The following PDZRN4 variants were observed in gnomAD, a reference collection of about 807,000 sequenced individuals.
PDZRN4 encodes PDZ domain-containing RING finger protein 4.
In PDZRN4, 70 loss-of-function variants were observed where a neutral mutation model predicts 99.0. That is an observed-to-expected ratio of 0.71 (90% confidence interval 0.58 to 0.86). PDZRN4 has a LOEUF of 0.86. Ranked by LOEUF, PDZRN4 falls within the 40% of genes least tolerant of loss-of-function variation. The pLI, the probability that PDZRN4 is intolerant of heterozygous loss-of-function variation, is 0.00. For missense variants in PDZRN4, 1,474 were observed against 1,331.2 expected (o/e 1.11, Z -1.67); for synonymous variants, 551 against 501.6 (o/e 1.10, Z -1.32).
intron 3 of PDZRN4, among the ~76,000 whole-genome samples, chr12:41,464,076 T>C (rs534271814): frequency 2.6e-5 from 4 of 152,254 alleles, no homozygotes; most frequent in Non-Finnish European, 5.9e-5. Flanking sequence ...GCCAGGAGAA[T>C]AGAATTCAGT....
intron 3 of PDZRN4, among the ~76,000 whole-genome samples, chr12:41,275,518 G>A (rs546567608): frequency 6.6e-6 from 1 of 152,210 alleles, no homozygotes; most frequent in Admixed American, 6.5e-5. Context: ...AGTGAGCTCA[G>A]TGGAGTGACA....
chr12:41,475,319 CTA>C (rs1237640403), intron 3 of PDZRN4, among the ~76,000 whole-genome samples: 1 of 152,104 alleles, frequency 6.6e-6, no homozygotes, highest in Non-Finnish European at 1.5e-5. Flanking sequence ...GGTCTCAGCT[CTA>C]TCTTTTCCTA....
intron 3 of PDZRN4, among the ~76,000 whole-genome samples, chr12:41,275,057 A>C (rs1951341526): frequency 6.6e-6 from 1 of 152,146 alleles, no homozygotes; most frequent in Non-Finnish European, 1.5e-5. Flanking sequence ...TCAGTGCTTT[A>C]GACTAAGATG....
At chr12:41,292,455 C>G (rs1322119608) in intron 3 of PDZRN4, among the ~76,000 whole-genome samples, 1 of 152,148 alleles carries the variant, frequency 6.6e-6, no homozygotes, top group Non-Finnish European at 1.5e-5. Flanking sequence ...GAAATGTTCA[C>G]TTACAAATTT....
chr12:41,328,348 C>T (rs999110456), intron 3 of PDZRN4, among the ~76,000 whole-genome samples: 1 of 151,572 alleles, frequency 6.6e-6, no homozygotes, highest in Non-Finnish European at 1.5e-5. Context: ...ATAGCCAGAC[C>T]CCAACTCTAC....
intron 5 of PDZRN4, among the ~76,000 whole-genome samples, chr12:41,513,595 A>G (rs528768744): frequency 6.6e-6 from 1 of 152,080 alleles, no homozygotes; most frequent in East Asian, 1.9e-4. Context: ...AATTTCACTA[A>G]GGATTAAGCT....
intron 3 of PDZRN4, among the ~76,000 whole-genome samples, chr12:41,420,836 C>A (rs1454738046): frequency 6.6e-6 from 1 of 152,148 alleles, no homozygotes; most frequent in Non-Finnish European, 1.5e-5. Flanking sequence ...ATATTATTAT[C>A]TTTGACATCT....
intron 2 of PDZRN4, 104 bp downstream of exon 2, chr12:41,191,648 A>AT: frequency 1.8e-6 from 1 of 557,384 alleles, no homozygotes; most frequent in Non-Finnish European, 3.1e-6. Flanking sequence ...TTGTTTGTGG[A>AT]TTTTGAGTAA....
chr12:41,468,482 T>A (rs1952951713), intron 3 of PDZRN4, among the ~76,000 whole-genome samples: 1 of 152,200 alleles, frequency 6.6e-6, no homozygotes, highest in South Asian at 2.1e-4. Context: ...CTGACTGTAG[T>A]TTAACCAAAA....
intron 3 of PDZRN4, among the ~76,000 whole-genome samples, chr12:41,290,021 T>A (rs1447231846): frequency 6.6e-6 from 1 of 152,210 alleles, no homozygotes; most frequent in Non-Finnish European, 1.5e-5. Context: ...TAAGGCTATC[T>A]ACTGATTTGT....
At chr12:41,562,892 T>G (rs989831545) in intron 7 of PDZRN4, among the ~76,000 whole-genome samples, 1 of 152,184 alleles carries the variant, frequency 6.6e-6, no homozygotes. Flanking sequence ...ATTTAAGAGA[T>G]GAGTCTGAAG....
chr12:41,251,373 T>G (rs930312515), intron 3 of PDZRN4, among the ~76,000 whole-genome samples: 1 of 152,186 alleles, frequency 6.6e-6, no homozygotes, highest in Non-Finnish European at 1.5e-5. Context: ...CTTCTTAAAA[T>G]TTGTAAACTG....
intron 3 of PDZRN4, among the ~76,000 whole-genome samples, chr12:41,369,580 A>C (rs996214220): frequency 2.0e-5 from 3 of 151,908 alleles, no homozygotes; most frequent in African/African-American, 4.8e-5. Context: ...AAGTGTGTAC[A>C]TTTTCAACAT....
rs1336601841 is a variant in PDZRN4, at chr12:41,196,713, CATT to C, written c.843+2528_843+2530del. 2.0e-5 allele frequency among the ~76,000 whole-genome samples: 3 copies of C among 151,964 alleles called. No homozygotes were observed. In the East Asian group the frequency reaches 5.8e-4, roughly 29 times the overall value. On this transcript the variant is annotated intron_variant, in intron 3 of 9. Coordinates refer to ENST00000402685, the MANE Select transcript of PDZRN4 (RefSeq NM_001164595.2). ...CTTATCATTATTTTAGTTTCTCTGT[CATT>C]ATGATATCAATCAACTTTAAGCAGT...
At chr12:41,285,168 AC>A (rs1442656931) in intron 3 of PDZRN4, among the ~76,000 whole-genome samples, 2 of 152,204 alleles carry the variant, frequency 1.3e-5, no homozygotes, top group East Asian at 3.9e-4. Flanking sequence ...AAGAAAAAAA[AC>A]AAAAAACCCC....
intron 3 of PDZRN4, among the ~76,000 whole-genome samples, chr12:41,267,591 A>T (rs767124669): frequency 3.9e-4 from 60 of 151,986 alleles, no homozygotes; most frequent in Non-Finnish European, 5.9e-4. Context: ...GCACTTTGGG[A>T]GGCCAAGGCA....
chr12:41,322,580 T>TC (rs1471480205), intron 3 of PDZRN4, among the ~76,000 whole-genome samples: 4 of 131,114 alleles, frequency 3.1e-5, no homozygotes, highest in Non-Finnish European at 6.2e-5. Context: ...AAGCTCCGCC[T>TC]CCCTGGTTCA....
At chr12:41,530,416 T>C (rs1938641010) in intron 5 of PDZRN4, among the ~76,000 whole-genome samples, 1 of 152,238 alleles carries the variant, frequency 6.6e-6, no homozygotes, top group African/African-American at 2.4e-5. Context: ...CCGAAAATTC[T>C]GAACAAAGTT....
intron 3 of PDZRN4, among the ~76,000 whole-genome samples, chr12:41,288,951 C>T (rs1046338278): frequency 3.3e-5 from 5 of 151,802 alleles, no homozygotes; most frequent in East Asian, 3.9e-4. Flanking sequence ...GCTGAGAATA[C>T]ACACCTGAAA....
Sources: gnomAD v4.1 joint callset for allele counts (sites outside exome capture counted in the v4.1 genomes callset) on GRCh38, gnomAD v4.1.1 for gene constraint, MANE v1.5 for transcripts, NCBI Gene and HGNC (gene_info 2026-07-23, HGNC 2026-07-21) for gene names.